The following DHCR24 variants were observed in gnomAD, a reference collection of about 807,000 sequenced individuals.
The protein encoded by DHCR24 is 24-dehydrocholesterol reductase.
In DHCR24, 28 loss-of-function variants were observed where a neutral mutation model predicts 61.2. The observed-to-expected ratio is 0.46, with a 90% CI of 0.34 to 0.63. DHCR24 has a LOEUF of 0.63. DHCR24 is among the 20% of genes least tolerant of loss of function. DHCR24 has a pLI of 0.01. For missense variants in DHCR24, 538 were observed against 679.1 expected, an observed-to-expected ratio of 0.79 and a Z score of 2.31; for synonymous variants, 261 against 275.9, an observed-to-expected ratio of 0.95 and a Z score of 0.54.
At chr1:54,880,517 C>A (rs1161386502) in intron 2 of DHCR24, among the ~76,000 whole-genome samples, 1 of 152,148 alleles carries the variant, frequency 6.6e-6, no homozygotes, top group African/African-American at 2.4e-5. Context: ...GTAATCCCAG[C>A]ACTTTGGGAG....
intron 5 of DHCR24, among the ~76,000 whole-genome samples, chr1:54,866,414 T>C (rs1646968259): frequency 6.6e-6 from 1 of 151,624 alleles, no homozygotes; most frequent in African/African-American, 2.4e-5. Context: ...AGTGGCACGA[T>C]CTTGGCTCAC....
At chr1:54,879,297 T>C (rs1021717776) in intron 2 of DHCR24, among the ~76,000 whole-genome samples, 2 of 118,194 alleles carry the variant, frequency 1.7e-5, no homozygotes, top group Non-Finnish European at 3.2e-5. Context: ...CAGTCCAACC[T>C]GGAGGACAGA....
At chr1:54,861,047 A>G (rs6675891) in intron 6 of DHCR24, among the ~76,000 whole-genome samples, 45,080 of 151,566 alleles carry the variant, frequency 0.3, 7,118 homozygotes, top group East Asian at 0.55. Flanking sequence ...GAAGGTCCTG[A>G]CCACGCCTGG....
rs142367563 is a variant in DHCR24, at chr1:54,877,114, T to C, written c.388-1067A>G. Among the ~76,000 whole-genome samples the C allele has an allele frequency of 1.7e-3, 264 of 151,934 alleles. 4 individuals carry two copies. The South Asian group carries it at 0.025, about 15-fold the overall frequency. Reference sequence around the variant, plus strand: ...TATCTCAGTGAGCAGAGGGATGACTTTGAATAGAATGCGGAAGCAGGTTTG... The same window carrying C: ...TATCTCAGTGAGCAGAGGGATGACTCTGAATAGAATGCGGAAGCAGGTTTG... On this transcript the variant is annotated intron_variant, in intron 2 of 8. Transcript: ENST00000371269.
Position 54,871,351 on chromosome 1 carries a change from T to C in DHCR24, c.875A>G (p.Lys292Arg). The change falls in exon 5 of 9, where the codon AAG becomes AGG. Residue 292 changes from lysine to arginine, a missense_variant and splice_region_variant. Physicochemically the swap from Lys to Arg is conservative, Grantham distance 26. Transcript: ENST00000371269. ...GVMTDEAEPS[K>R]LNSIGNYYKP... is the part of the protein sequence containing the mutation. ...GCAGCAGCTGACACCCTGGCTTACC[T>C]TGCTGGGCTCTGCCTCATCTGTCAT... The C allele has an allele frequency of 6.2e-7, 1 of 1,614,042 alleles. No homozygotes were observed. Among genetic ancestry groups the C allele is most frequent in the Non-Finnish European group, 8.5e-7 (1 of 1,180,012 alleles).
intron 6 of DHCR24, among the ~76,000 whole-genome samples, chr1:54,857,773 C>T (rs1444825051): frequency 1.3e-5 from 2 of 152,180 alleles, no homozygotes; most frequent in African/African-American, 4.8e-5. Context: ...CCTTTAATGG[C>T]ACTTCTGGCC....
chr1:54,857,496 C>T (rs1465884156), intron 6 of DHCR24, among the ~76,000 whole-genome samples: 1 of 152,220 alleles, frequency 6.6e-6, no homozygotes, highest in Non-Finnish European at 1.5e-5. Flanking sequence ...AGCTTGGCTC[C>T]TTTTCTTTCA....
chr1:54,860,166 C>T (rs759273801), intron 6 of DHCR24, among the ~76,000 whole-genome samples: 2 of 152,234 alleles, frequency 1.3e-5, no homozygotes, highest in African/African-American at 2.4e-5. Context: ...TAGAAGCCCA[C>T]CAGGTATAAT....
In DHCR24 at chr1:54,883,743, T is replaced by C. The variant is rs1404516355; in HGVS notation, c.262A>G (p.Thr88Ala). 6.2e-7 allele frequency: 1 copy of C among 1,614,178 alleles called. No homozygotes were observed. The change falls in exon 2 of 9, where the codon ACC (threonine) becomes GCC (alanine). Residue 88 changes from threonine (T) to alanine (A), a missense_variant. Coordinates refer to ENST00000371269, the MANE Select transcript of DHCR24 (RefSeq NM_014762.4). This position sits in a 1 kb window ranked among gnomAD's most constrained non-coding sequence, Gnocchi z 4.3. ...VREWKEQGSK[T>A]FMCTGRPGWL... ...CCAGGGCGCCCCGTGCACATGAAGG[T>C]CTTGCTACCCTGCTCCTTCCATTCC...
intron 6 of DHCR24, among the ~76,000 whole-genome samples, chr1:54,859,620 C>A (rs1371813136): frequency 1.3e-5 from 2 of 152,048 alleles, no homozygotes; most frequent in Non-Finnish European, 2.9e-5. Flanking sequence ...ATGCCCCAAC[C>A]CACCTGGTTC....
At chr1:54,858,317 C>T (rs1646918646) in intron 6 of DHCR24, among the ~76,000 whole-genome samples, 1 of 152,208 alleles carries the variant, frequency 6.6e-6, no homozygotes, top group Admixed American at 6.5e-5. Context: ...CTAAAGGTGA[C>T]ACAACTCTGG....
At chr1:54,867,275 C>T (rs145274688) in intron 5 of DHCR24, among the ~76,000 whole-genome samples, 57 of 152,332 alleles carry the variant, frequency 3.7e-4, no homozygotes, top group African/African-American at 1.3e-3. Context: ...GAGGGCCCAT[C>T]ACAGGGCCTG....
intron 1 of DHCR24, among the ~76,000 whole-genome samples, chr1:54,885,923 G>A (rs1647092251): frequency 6.6e-6 from 1 of 152,154 alleles, no homozygotes; most frequent in Non-Finnish European, 1.5e-5. Flanking sequence ...CAGAGCTACA[G>A]GGCAAAGCAC....
intron 6 of DHCR24, among the ~76,000 whole-genome samples, chr1:54,854,782 T>A (rs1243024789): frequency 2.0e-5 from 3 of 152,074 alleles, no homozygotes; most frequent in Non-Finnish European, 2.9e-5. Flanking sequence ...GTTTGCAGCA[T>A]CCCTTGCTCA....
chr1:54,857,229 C>A (rs919522059), intron 6 of DHCR24, among the ~76,000 whole-genome samples: 1 of 152,234 alleles, frequency 6.6e-6, no homozygotes, highest in Admixed American at 6.5e-5. Flanking sequence ...CTTGCTGAGG[C>A]CAGTCATTGC....
At chr1:54,859,488 ATTTTT>A (rs1020851781) in intron 6 of DHCR24, among the ~76,000 whole-genome samples, 1 of 140,720 alleles carries the variant, frequency 7.1e-6, no homozygotes, top group African/African-American at 2.6e-5. Flanking sequence ...TTTTTTTCTT[ATTTTT>A]GAGACAGAGT....
At chr1:54,869,588 T>TACAC (rs35058139) in intron 5 of DHCR24, among the ~76,000 whole-genome samples, 18,165 of 150,366 alleles carry the variant, frequency 0.12, 1,187 homozygotes, top group African/African-American at 0.16. Context: ...CACATACATA[T>TACAC]ACACACACAC....
At chr1:54,853,723 C>T in intron 7 of DHCR24, 111 bp from the exon 8 acceptor site, 1 of 1,274,480 alleles carries the variant, frequency 7.8e-7, no homozygotes, top group Non-Finnish European at 1.1e-6. Flanking sequence ...TTCTCAAGAC[C>T]CCCTCAGGTG....
intron 2 of DHCR24, among the ~76,000 whole-genome samples, chr1:54,878,121 C>T (rs1345026851): frequency 6.6e-6 from 1 of 151,820 alleles, no homozygotes; most frequent in Non-Finnish European, 1.5e-5. Flanking sequence ...ATGCAAAAGG[C>T]GTCCTTGGGA....
Sources: allele counts gnomAD v4.1 joint callset (sites outside exome capture counted in the v4.1 genomes callset), GRCh38; gene constraint gnomAD v4.1.1; non-coding constraint Gnocchi (gnomAD v3.1); transcripts MANE v1.5; gene names NCBI Gene and HGNC (gene_info 2026-07-23, HGNC 2026-07-21).